Variants in PTPRR observed in about 807,000 individuals in gnomAD.
PTPRR encodes protein tyrosine phosphatase receptor type R.
PTPRR carries 38 observed loss-of-function variants against 77.2 expected under a neutral mutation model. That is an observed-to-expected ratio of 0.49 (90% CI 0.38 to 0.65). The LOEUF (loss-of-function observed/expected upper bound fraction) is 0.65, where lower values mean the gene tolerates loss of function less well. PTPRR is among the 30% of genes least tolerant of loss of function. The pLI, the probability that PTPRR is intolerant of heterozygous loss-of-function variation, is 0.00. For synonymous variants in PTPRR, 299 were observed against 283.1 expected (o/e 1.06, Z -0.57); for missense variants, 744 against 799.2 (o/e 0.93, Z 0.83).
At chr12:70,837,924 T>C (rs1165102147) in intron 2 of PTPRR, among the ~76,000 whole-genome samples, 1 of 152,088 alleles carries the variant, frequency 6.6e-6, no homozygotes, top group Non-Finnish European at 1.5e-5. Flanking sequence ...ATACAAAAGA[T>C]ACTTGTCACT....
chr12:70,901,311 C>G (rs1380865712), intron 1 of PTPRR, among the ~76,000 whole-genome samples: 1 of 151,490 alleles, frequency 6.6e-6, no homozygotes, highest in Non-Finnish European at 1.5e-5. Flanking sequence ...CTCCTACGTT[C>G]ACTGAAGCGT....
rs189432795 is a variant in PTPRR at position 70,894,789 on chromosome 12, T to G, written c.59-1812A>C. On this transcript the variant is annotated intron_variant, in intron 1 of 13. Transcript: ENST00000283228. ...CATTTCCAAATCCGAGGAACTCATT[T>G]AATATGGAGAAATAAAATGTACAAT... Among the ~76,000 whole-genome samples the G allele has an allele frequency of 4.6e-5, 7 of 151,876 alleles. No homozygotes were observed. In the South Asian group the frequency reaches 1.2e-3, roughly 27 times the overall value.
chr12:70,771,240 T>C (rs1292582377), intron 2 of PTPRR, among the ~76,000 whole-genome samples: 1 of 152,124 alleles, frequency 6.6e-6, no homozygotes, highest in East Asian at 1.9e-4. Flanking sequence ...TGAAATTATG[T>C]TCTTTGCAGC....
intron 12 of PTPRR, among the ~76,000 whole-genome samples, chr12:70,660,015 A>G (rs531259305): frequency 6.6e-6 from 1 of 151,848 alleles, no homozygotes; most frequent in Admixed American, 6.6e-5. Flanking sequence ...CGCCTCTACT[A>G]AAAATATAAA....
At chr12:70,777,498 C>A (rs1295425174) in intron 2 of PTPRR, among the ~76,000 whole-genome samples, 1 of 152,118 alleles carries the variant, frequency 6.6e-6, no homozygotes, top group Non-Finnish European at 1.5e-5. Context: ...TGCCACTCTT[C>A]CCACCAATTC....
intron 2 of PTPRR, among the ~76,000 whole-genome samples, chr12:70,826,453 A>G (rs572127753): frequency 6.6e-6 from 1 of 152,286 alleles, no homozygotes; most frequent in South Asian, 2.1e-4. Context: ...CCCTTCTGGG[A>G]ACTCCTTGAA....
At chr12:70,857,423 T>C (rs1338892424) in intron 2 of PTPRR, among the ~76,000 whole-genome samples, 3 of 152,130 alleles carry the variant, frequency 2.0e-5, no homozygotes, top group Admixed American at 6.6e-5. Flanking sequence ...ATCCATACTG[T>C]AGTGGATTAA....
intron 10 of PTPRR, among the ~76,000 whole-genome samples, chr12:70,665,573 G>A (rs930841023): frequency 6.6e-6 from 1 of 151,002 alleles, no homozygotes; most frequent in African/African-American, 2.4e-5. Context: ...GTAGAGACGG[G>A]GTTTCACCAT....
intron 2 of PTPRR, among the ~76,000 whole-genome samples, chr12:70,781,481 T>A (rs1413431324): frequency 1.3e-5 from 2 of 152,188 alleles, no homozygotes; most frequent in African/African-American, 4.8e-5. Flanking sequence ...TGGTTCAAGG[T>A]GCATTGGGAG....
chr12:70,749,644 A>G (rs183795384), intron 5 of PTPRR, among the ~76,000 whole-genome samples: 8 of 152,320 alleles, frequency 5.3e-5, no homozygotes, highest in Admixed American at 3.9e-4. Context: ...ACATGTATTT[A>G]TTACATGATG....
chr12:70,733,866 T>C (rs978524109), intron 6 of PTPRR, among the ~76,000 whole-genome samples: 2 of 152,238 alleles, frequency 1.3e-5, no homozygotes, highest in African/African-American at 2.4e-5. Context: ...CTAGAGGTCA[T>C]GTGCTAATAT....
At chr12:70,798,183 T>C (rs186047640) in intron 2 of PTPRR, among the ~76,000 whole-genome samples, 1 of 152,310 alleles carries the variant, frequency 6.6e-6, no homozygotes, top group East Asian at 1.9e-4. Flanking sequence ...ACCTGGGAAG[T>C]ACCTGTGAAT....
intron 13 of PTPRR, among the ~76,000 whole-genome samples, chr12:70,641,459 G>A (rs996829640): frequency 2.0e-5 from 3 of 152,218 alleles, no homozygotes; most frequent in Admixed American, 1.3e-4. Context: ...AAGTGGGTCA[G>A]TGGTGTAATT....
chr12:70,915,330 T>A (rs1005855468), intron 1 of PTPRR, among the ~76,000 whole-genome samples: 1 of 152,176 alleles, frequency 6.6e-6, no homozygotes, highest in Non-Finnish European at 1.5e-5. Context: ...AAAGGCTGAA[T>A]GTGCATAATG....
chr12:70,851,087 T>C (rs997213115), intron 2 of PTPRR, among the ~76,000 whole-genome samples: 1 of 152,302 alleles, frequency 6.6e-6, no homozygotes, highest in Non-Finnish European at 1.5e-5. Flanking sequence ...ATGATAACCC[T>C]ATGAGGTAAA....
intron 2 of PTPRR, among the ~76,000 whole-genome samples, chr12:70,877,451 A>G (rs1278329415): frequency 3.3e-5 from 5 of 152,200 alleles, no homozygotes; most frequent in African/African-American, 9.6e-5. Flanking sequence ...CTGATGCCAG[A>G]AAGAATCAAA....
chr12:70,829,323 C>T (rs1056037781), intron 2 of PTPRR, among the ~76,000 whole-genome samples: 11 of 152,010 alleles, frequency 7.2e-5, no homozygotes, highest in Admixed American at 2.0e-4. Flanking sequence ...GATTGAAAAG[C>T]GGTCTACTTG....
intron 2 of PTPRR, among the ~76,000 whole-genome samples, chr12:70,781,992 G>GT (rs2136998698): frequency 6.6e-6 from 1 of 152,260 alleles, no homozygotes; most frequent in South Asian, 2.1e-4. Context: ...TCCTTGCTCA[G>GT]TTGTTGTTAT....
At chr12:70,703,992 C>T (rs1057046473) in intron 6 of PTPRR, among the ~76,000 whole-genome samples, 1 of 152,130 alleles carries the variant, frequency 6.6e-6, no homozygotes, top group Non-Finnish European at 1.5e-5. Context: ...TAAATTAATA[C>T]AACTTTGAAG....
Sources: gnomAD v4.1 joint callset for allele counts (sites outside exome capture counted in the v4.1 genomes callset) on GRCh38, gnomAD v4.1.1 for gene constraint, MANE v1.5 for transcripts, NCBI Gene and HGNC (gene_info 2026-07-23, HGNC 2026-07-21) for gene names.